SCRIB: variants seen among roughly 807,000 people sequenced by gnomAD.
SCRIB encodes scribble planar cell polarity protein.
In SCRIB, 72 loss-of-function variants were observed where a neutral mutation model predicts 170.0. That is an observed-to-expected ratio of 0.42 (90% CI 0.35 to 0.52). The LOEUF (loss-of-function observed/expected upper bound fraction) is 0.52. Ranked by LOEUF, SCRIB falls within the 20% of genes least tolerant of loss-of-function variation. The probability of loss-of-function intolerance (pLI) is 0.02; values close to 1 mark genes in which losing one functional copy is unlikely to be tolerated. For missense variants in SCRIB, 2,475 were observed against 2,338.5 expected, an observed-to-expected ratio of 1.06 and a Z score of -1.20; for synonymous variants, 1,298 against 1,044.3, an observed-to-expected ratio of 1.24 and a Z score of -4.68.
At chr8:143,812,189 A>C in intron 9 of SCRIB, 77 bp downstream of exon 9, 2 of 956,588 alleles carry the variant, frequency 2.1e-6, no homozygotes, top group Non-Finnish European at 3.4e-6. Flanking sequence ...CCCCAGCAGC[A>C]GACACAGGCT....
In SCRIB at chr8:143,808,988, C is replaced by T. The variant is rs746810763; in HGVS notation, c.1736G>A (p.Gly579Glu). The T allele has an allele frequency of 2.5e-6, 4 of 1,613,246 alleles. No individual in the cohort carries two copies. The South Asian group carries it at 4.4e-5, about 18-fold the overall frequency. The change falls in exon 15 of 37, where the codon GGG (glycine) becomes GAG (glutamate). Residue 579 changes from glycine (G) to glutamate (E), a missense_variant. Physicochemically the swap from Gly to Glu is moderately conservative, Grantham distance 98. Around this residue, in one of 3 missense-constraint regions of SCRIB, gnomAD observed 1,966 missense variants for 1,742.9 expected, o/e 1.13. Coordinates refer to ENST00000356994, the MANE Select transcript of SCRIB (RefSeq NM_182706.5). The part of the protein sequence containing the change: ...VHFAEDALLP[G>E]DDREIEEGQP... ...CCCCTCCTCGATCTCCCTGTCATCC[C>T]CGGGCAGCAGTGCGTCCTCTGCGAA... is the stretch of plus-strand genomic sequence containing the variant.
At position 143,815,495 on chromosome 8, in the gene SCRIB, G is replaced by A; in HGVS notation, c.-123C>T. The A allele has an allele frequency of 3.0e-6, 3 of 996,868 alleles. No individual in the cohort carries two copies. Among genetic ancestry groups the A allele is most frequent in the Non-Finnish European group, 3.6e-6 (3 of 838,536 alleles). The allele number at this position is 996,868 out of a possible 1,614,324, so 61.8% of individuals were successfully genotyped here. ...GGCGCAGGCAGGGGGCGGGCCGCCC[G>A]AGACTGGACGGGGACGCGGCCGCGG... On this transcript the variant is annotated 5_prime_UTR_variant, in exon 1 of 37. Coordinates refer to ENST00000356994, the MANE Select transcript of SCRIB (RefSeq NM_182706.5).
In SCRIB at chr8:143,792,282, G is replaced by T; in HGVS notation, c.4452C>A (p.Ala1484=). Residue 1484 remains alanine, a synonymous_variant, in exon 32 of 37, where the codon GCC becomes GCA. Transcript: ENST00000356994. ...QSPEPPAPER[A]LSPAELRALE... ...GGGCCCGGAGCTCGGCAGGGGACAGGGCACGCTCGGGTGCCGGTGGCTCCG... is the reference window on the plus strand; with the variant it reads ...GGGCCCGGAGCTCGGCAGGGGACAGTGCACGCTCGGGTGCCGGTGGCTCCG... 1 of 1,566,060 alleles carries T rather than the reference G, an allele frequency of 6.4e-7. No individual in the cohort carries two copies. The highest frequency in any genetic ancestry group is 8.6e-7 in the Non-Finnish European group (1 of 1,163,372).
At position 143,810,689 on chromosome 8, in the gene SCRIB, C is replaced by T; in HGVS notation, c.1401G>A (p.Lys467=). Residue 467 remains lysine (K), a synonymous_variant, in exon 12 of 37, where the codon AAG becomes AAA. Transcript: ENST00000356994. ...DEDAEEAAAE[K]RGLQRRATPH... ...CCCCAGATCCTCACCCTCATACCCG[C>T]TTCTCAGCTGCAGCTTCCTCAGCGT... The T allele has an allele frequency of 1.2e-6, 2 of 1,603,202 alleles. No homozygotes were observed. The highest frequency in any genetic ancestry group is 1.7e-6 in the Non-Finnish European group (2 of 1,172,458).
In SCRIB at chr8:143,804,652, G is replaced by A. The variant is rs1441445683; in HGVS notation, c.2925C>T (p.Thr975=). Residue 975 remains threonine, a synonymous_variant, in exon 21 of 37, where the codon ACC becomes ACT. Coordinates refer to ENST00000356994, the MANE Select transcript of SCRIB (RefSeq NM_182706.5). ...PTAAVATTSI[T]TATPGVPGLP... ...ACCCAGGCACCCCGGGGGTGGCAGT[G>A]GTTATGCTGGTGGTGGCAACAGCAG... 2 of 1,544,524 alleles carry A rather than the reference G, an allele frequency of 1.3e-6. No individual in the cohort carries two copies. The highest frequency in any genetic ancestry group is 8.7e-7 in the Non-Finnish European group (1 of 1,144,802).
In SCRIB at chr8:143,812,723, C is replaced by A. The variant is rs537292393; in HGVS notation, c.787+94G>T. ...AGCCTGGGCACACTCAGGATCCTCCCCTGTGTTCCACACCACACACAGCCC... is the reference window on the plus strand; with the variant it reads ...AGCCTGGGCACACTCAGGATCCTCCACTGTGTTCCACACCACACACAGCCC... On this transcript the variant is annotated intron_variant, in intron 8 of 36. Transcript: ENST00000356994. 52 of 1,465,912 alleles carry A rather than the reference C, an allele frequency of 3.5e-5. No homozygotes were observed. The African/African-American group carries it at 6.5e-4, about 18-fold the overall frequency. The allele number at this position is 1,465,912 out of a possible 1,614,324, so 90.8% of individuals were successfully genotyped here.
In SCRIB at chr8:143,795,119, G is replaced by A. The variant is rs781873846; in HGVS notation, c.3772-7C>T. 1.9e-6 allele frequency: 3 copies of A among 1,610,708 alleles called. No homozygotes were observed. Among genetic ancestry groups the A allele is most frequent in the Admixed American group, 1.7e-5 (1 of 59,880 alleles). ...GGGGCTGCAGACCCCGACCCTGGGG[G>A]CAGAGTGAACACAGCACTAGCAGGG... On this transcript the variant is annotated splice_region_variant and splice_polypyrimidine_tract_variant and intron_variant, in intron 26 of 36. Transcript: ENST00000356994.
chr8:143,811,266 G>A lies in SCRIB; in HGVS notation c.986C>T (p.Pro329Leu). Residue 329 changes from proline (P) to leucine (L), a missense_variant, in exon 10 of 37, where the codon CCC becomes CTC. Physicochemically the swap from Pro to Leu is moderately conservative, Grantham distance 98. Transcript: ENST00000356994. ...VDRNHLEALP[P>L]EIGGCVALSV... ...GAGTGCCACACAGCCCCCGATCTCG[G>A]GCGGCAGCGCCTCGAGGTGGTTCCG... 1 of 1,612,262 alleles carries A rather than the reference G, an allele frequency of 6.2e-7. No individual in the cohort carries two copies. The highest frequency in any genetic ancestry group is 8.5e-7 in the Non-Finnish European group (1 of 1,179,684).
chr8:143,805,775 C>T (rs1481440108), intron 18 of SCRIB, among the ~76,000 whole-genome samples: 2 of 152,192 alleles, frequency 1.3e-5, no homozygotes, highest in African/African-American at 4.8e-5. Context: ...CACCTAAGGT[C>T]GCTGGGTTAC....
chr8:143,795,240 G>A (rs1563790146), intron 26 of SCRIB, 37 bp downstream of exon 26: 1 of 1,611,296 alleles, frequency 6.2e-7, no homozygotes, highest in East Asian at 2.2e-5. Context: ...CCCCGCTCCA[G>A]TGCCCTGATG....
chr8:143,804,686 G>T lies in SCRIB; in HGVS notation c.2891C>A (p.Pro964His). 6.4e-7 allele frequency: 1 copy of T among 1,566,048 alleles called. No individual in the cohort carries two copies. The highest frequency in any genetic ancestry group is 8.7e-7 in the Non-Finnish European group (1 of 1,152,910). ...LPPSPLPHSS[P>H]PTAAVATTSI... ...GGTGGTGGCAACAGCAGCGGTGGGG[G>T]GTGAGGAATGTGGCAGAGGGCTGGG... The change falls in exon 21 of 37, where the codon CCC (proline) becomes CAC (histidine). Residue 964 changes from proline (P) to histidine (H), a missense_variant. Physicochemically the swap from Pro to His is moderately conservative, Grantham distance 77. This residue lies in a region of SCRIB where 1,966 missense variants were observed against 1,742.9 expected (regional missense o/e 1.13). Coordinates refer to ENST00000356994, the MANE Select transcript of SCRIB (RefSeq NM_182706.5).
rs149307154 is a variant in SCRIB, at chr8:143,795,056, G to A, written c.3828C>T (p.Ser1276=). Residue 1276 remains serine (S), a synonymous_variant, in exon 27 of 37, where the codon AGC becomes AGT. Transcript: ENST00000356994. ...CACTCACCCTCTGCACGCTGCCAGC[G>A]CTGGGCACGGCGGCCAGGGCGCGGT... ...LDYRALAAVP[S]AGSVQRVPSG... 5.1e-4 allele frequency: 820 copies of A among 1,611,050 alleles called. 2 individuals carry two copies. The East Asian group carries it at 6.5e-3, about 13-fold the overall frequency.
At chr8:143,813,965 C>T in intron 2 of SCRIB, 36 bp downstream of exon 2, 2 of 1,580,430 alleles carry the variant, frequency 1.3e-6, no homozygotes, top group South Asian at 2.3e-5. Flanking sequence ...GCGGACACTC[C>T]CCAGACCCCA....
intron 13 of SCRIB, 80 bp downstream of exon 13, chr8:143,810,398 AC>A: frequency 6.4e-7 from 1 of 1,556,892 alleles, no homozygotes; most frequent in South Asian, 1.2e-5. Context: ...CCTGGCCCTC[AC>A]AGCCCCACTC....
rs369003173 is a variant in SCRIB, at chr8:143,808,622, G to T, written c.2102C>A (p.Ala701Glu). The change falls in exon 15 of 37, where the codon GCG becomes GAG. Residue 701 changes from alanine (A) to glutamate (E), a missense_variant. Coordinates refer to ENST00000356994, the MANE Select transcript of SCRIB (RefSeq NM_182706.5). ...GCTGACACCAACCTTGACAGAGGGC[G>T]CAGAAACCACGGCCCCCTCCTTGTC... ...EEDKEGAVVS[A>E]PSVKGVSFDQ... 6.6e-7 allele frequency: 1 copy of T among 1,510,212 alleles called. No homozygotes were observed. The allele number at this position is 1,510,212 out of a possible 1,614,324, so 93.6% of individuals were successfully genotyped here.
At position 143,794,363 on chromosome 8, in the gene SCRIB, G is replaced by GT. The variant is rs528201426; in HGVS notation, c.3847-402dup. 1.5e-4 allele frequency: 30 copies of GT among 202,646 alleles called. No individual in the cohort carries two copies. In the East Asian group the frequency reaches 2.6e-3, roughly 17 times the overall value. 12.6% of individuals were successfully genotyped at this position (202,646 alleles called of 1,614,324 possible). On this transcript the variant is annotated intron_variant, in intron 27 of 36. Coordinates refer to ENST00000356994, the MANE Select transcript of SCRIB (RefSeq NM_182706.5). ...TGACTGCTGCCCCCATGACTGTGCT[G>GT]TTGTTCATGAGGATGAAGGGCCTCC...
intron 24 of SCRIB, among the ~76,000 whole-genome samples, chr8:143,800,327 A>C (rs953326552): frequency 2.6e-5 from 4 of 152,192 alleles, no homozygotes; most frequent in African/African-American, 9.7e-5. Flanking sequence ...CCTCCATTTA[A>C]AAAATGTTGT....
chr8:143,798,890 C>T (rs958083652), intron 24 of SCRIB, among the ~76,000 whole-genome samples: 4 of 151,666 alleles, frequency 2.6e-5, no homozygotes, highest in Non-Finnish European at 5.9e-5. Context: ...AATCCAGGGC[C>T]GGGGCAGGAA....
intron 24 of SCRIB, among the ~76,000 whole-genome samples, chr8:143,796,787 C>A (rs1265033341): frequency 6.6e-6 from 1 of 152,160 alleles, no homozygotes; most frequent in African/African-American, 2.4e-5. Context: ...AGCCACTGGG[C>A]AGGTCCAAGA....
Sources: gnomAD v4.1 joint callset for allele counts (sites outside exome capture counted in the v4.1 genomes callset) on GRCh38, gnomAD v4.1.1 for gene constraint, gnomAD v4.1.1 regional missense constraint, MANE v1.5 for transcripts, NCBI Gene and HGNC (gene_info 2026-07-23, HGNC 2026-07-21) for gene names.